The following SLC16A7 variants were observed in gnomAD, a reference collection of about 807,000 sequenced individuals.
SLC16A7 encodes the protein monocarboxylate transporter 2.
In SLC16A7, 33 loss-of-function variants were observed where a neutral mutation model predicts 34.9. That is an observed-to-expected ratio of 0.94 (90% CI 0.72 to 1.26). The LOEUF is 1.26. SLC16A7 is among the 50% of genes most tolerant of loss of function. SLC16A7 has a pLI of 0.00. For missense variants in SLC16A7, 573 were observed against 578.1 expected (o/e 0.99, Z 0.09); for synonymous variants, 201 against 206.6 (o/e 0.97, Z 0.23).
At position 59,634,441 on chromosome 12, in the gene SLC16A7, G is replaced by A. The variant is rs951733045; in HGVS notation, c.-129-20711G>A. Among the ~76,000 whole-genome samples the A allele has an allele frequency of 5.9e-5, 9 of 152,070 alleles. No individual in the cohort carries two copies. The East Asian group carries it at 1.7e-3, about 29-fold the overall frequency. ...CATGTTATAGTTGGTGAGAGAGATT[G>A]AGCAAGTGAGAATTCATAGCCAAGG... On this transcript the variant is annotated intron_variant, in intron 1 of 5. Coordinates refer to ENST00000547379, the MANE Select transcript of SLC16A7 (RefSeq NM_001270623.2).
intron 1 of SLC16A7, among the ~76,000 whole-genome samples, chr12:59,608,814 G>A (rs878953684): frequency 5.3e-5 from 8 of 151,878 alleles, no homozygotes; most frequent in South Asian, 2.1e-4. Context: ...ACCTGAATCC[G>A]TTATCTACAT....
chr12:59,713,421 A>G (rs1874492338), intron 3 of SLC16A7, among the ~76,000 whole-genome samples: 1 of 152,196 alleles, frequency 6.6e-6, no homozygotes, highest in South Asian at 2.1e-4. Context: ...TTAATTAACT[A>G]TTTTAAAGGG....
chr12:59,607,842 G>A (rs1879014258), intron 1 of SLC16A7, among the ~76,000 whole-genome samples: 1 of 152,094 alleles, frequency 6.6e-6, no homozygotes, highest in East Asian at 1.9e-4. Flanking sequence ...GGAAACAGAT[G>A]TATCAAATAA....
At chr12:59,633,155 T>G (rs892088952) in intron 1 of SLC16A7, among the ~76,000 whole-genome samples, 1 of 152,046 alleles carries the variant, frequency 6.6e-6, no homozygotes, top group African/African-American at 2.4e-5. Flanking sequence ...TTATTTTCTT[T>G]ACATTATACA....
chr12:59,633,740 A>G (rs1356147834), intron 1 of SLC16A7, among the ~76,000 whole-genome samples: 1 of 152,012 alleles, frequency 6.6e-6, no homozygotes, highest in East Asian at 1.9e-4. Flanking sequence ...GGGGAAGCAA[A>G]GCACATATTC....
At chr12:59,603,890 G>T (rs1878808067) in intron 1 of SLC16A7, among the ~76,000 whole-genome samples, 2 of 152,112 alleles carry the variant, frequency 1.3e-5, no homozygotes, top group East Asian at 3.8e-4. Context: ...TCTTTTAAAG[G>T]CAGTTCTACT....
At chr12:59,600,161 G>A (rs1878617334) in intron 1 of SLC16A7, among the ~76,000 whole-genome samples, 1 of 152,228 alleles carries the variant, frequency 6.6e-6, no homozygotes, top group Non-Finnish European at 1.5e-5. Context: ...ATAGCACTGT[G>A]CTGAGCACAT....
At chr12:59,639,455 G>A (rs1471952374) in intron 1 of SLC16A7, among the ~76,000 whole-genome samples, 1 of 152,086 alleles carries the variant, frequency 6.6e-6, no homozygotes, top group East Asian at 1.9e-4. Context: ...TACAATCAAA[G>A]CTCACTGCAG....
intron 1 of SLC16A7, among the ~76,000 whole-genome samples, chr12:59,641,665 A>T (rs1167999023): frequency 6.6e-6 from 1 of 152,000 alleles, no homozygotes; most frequent in East Asian, 1.9e-4. Flanking sequence ...TTTTACATGG[A>T]TATTTCTAAT....
rs139463124 is a variant in SLC16A7 at position 59,643,664 on chromosome 12, T to G, written c.-129-11488T>G. 4.7e-4 allele frequency among the ~76,000 whole-genome samples: 72 copies of G among 152,308 alleles called. 1 individual carries two copies. The East Asian group carries it at 0.012, about 26-fold the overall frequency. On this transcript the variant is annotated intron_variant, in intron 1 of 5. Coordinates refer to ENST00000547379, the MANE Select transcript of SLC16A7 (RefSeq NM_001270623.2). ...TGGGCAAATATAATTAGATTTACAA[T>G]ATAGCTTACTGTAATTCAAGAAGAT...
chr12:59,748,320 A>T (rs900215255), intron 3 of SLC16A7, among the ~76,000 whole-genome samples: 4 of 152,204 alleles, frequency 2.6e-5, no homozygotes, highest in Non-Finnish European at 4.4e-5. Context: ...AGGACACGGT[A>T]TAAAATCAAG....
At chr12:59,678,785 C>G (rs577019264) in intron 2 of SLC16A7, among the ~76,000 whole-genome samples, 2 of 152,228 alleles carry the variant, frequency 1.3e-5, no homozygotes, top group South Asian at 4.1e-4. Flanking sequence ...GCCCAGGAGT[C>G]TGTCTTCTGA....
intron 1 of SLC16A7, among the ~76,000 whole-genome samples, chr12:59,619,246 A>G (rs1372025434): frequency 6.6e-6 from 1 of 152,068 alleles, no homozygotes; most frequent in African/African-American, 2.4e-5. Flanking sequence ...TCAATTTAAT[A>G]TCATGCATTG....
At chr12:59,764,850 T>C (rs1881422945) in intron 3 of SLC16A7, among the ~76,000 whole-genome samples, 1 of 152,188 alleles carries the variant, frequency 6.6e-6, no homozygotes, top group African/African-American at 2.4e-5. Context: ...ATATACCCAG[T>C]AATGGGATTG....
intron 4 of SLC16A7, 108 bp from the exon 5 acceptor site, chr12:59,774,549 T>G: frequency 1.5e-6 from 1 of 648,732 alleles, no homozygotes; most frequent in Non-Finnish European, 2.6e-6. Context: ...TGATATTGCG[T>G]TTTTAATTCT....
intron 2 of SLC16A7, among the ~76,000 whole-genome samples, chr12:59,690,823 G>A (rs1871559805): frequency 6.6e-6 from 1 of 151,796 alleles, no homozygotes; most frequent in African/African-American, 2.4e-5. Context: ...GCATATTTTG[G>A]GGTGGCATAT....
chr12:59,750,303 TG>T (rs1234585649), intron 3 of SLC16A7, among the ~76,000 whole-genome samples: 1 of 152,164 alleles, frequency 6.6e-6, no homozygotes, highest in African/African-American at 2.4e-5. Context: ...AGAAAGATTT[TG>T]CAATCTATCC....
rs987997850 is a variant in SLC16A7 at position 59,758,869 on chromosome 12, T to A, written c.218-12350T>A. 5.9e-5 allele frequency among the ~76,000 whole-genome samples: 9 copies of A among 152,194 alleles called. 1 individual carries two copies. The highest frequency in any genetic ancestry group is 5.9e-4 in the Admixed American group (9 of 15,262). Reference sequence around the variant, plus strand: ...TTTCATTTGTCAGATAGCTTTAGGATAACATTATTTTAATGCGTGTATGTA... The same window carrying A: ...TTTCATTTGTCAGATAGCTTTAGGAAAACATTATTTTAATGCGTGTATGTA... On this transcript the variant is annotated intron_variant, in intron 3 of 5. Coordinates refer to ENST00000547379, the MANE Select transcript of SLC16A7 (RefSeq NM_001270623.2).
In SLC16A7 at chr12:59,784,146, C is replaced by G. The variant is rs1364962055; in HGVS notation, c.*4467C>G. 6.6e-6 allele frequency: 1 copy of G among 151,784 alleles called. No individual in the cohort carries two copies. Among genetic ancestry groups the G allele is most frequent in the Non-Finnish European group, 1.5e-5 (1 of 67,952 alleles). The allele number at this position is 151,784 out of a possible 1,614,324, so 9.4% of individuals were successfully genotyped here. On this transcript the variant is annotated 3_prime_UTR_variant, in exon 6 of 6. Coordinates refer to ENST00000547379, the MANE Select transcript of SLC16A7 (RefSeq NM_001270623.2). ...ACATTTTTTCTGAGGTTGGAGTTAG[C>G]AGGAAAATGTTATCTTTTATGAATA...
Sources: allele counts gnomAD v4.1 joint callset (sites outside exome capture counted in the v4.1 genomes callset), GRCh38; gene constraint gnomAD v4.1.1; transcripts MANE v1.5; gene names NCBI Gene and HGNC (gene_info 2026-07-23, HGNC 2026-07-21).